COL7A1: variants seen among roughly 807,000 people sequenced by gnomAD.
The protein encoded by COL7A1 is collagen type VII alpha 1 chain.
A neutral mutation model predicts 456.2 loss-of-function variants in COL7A1; 296 were observed. That is an observed-to-expected ratio of 0.65 (90% CI 0.59 to 0.71). The LOEUF is 0.71. Among genes scored for constraint, COL7A1 ranks in the 30% least tolerant of loss-of-function variants. The probability of loss-of-function intolerance (pLI) is 0.00; values close to 1 mark genes in which losing one functional copy is unlikely to be tolerated. For missense variants in COL7A1, 3,441 were observed against 4,017.2 expected (o/e 0.86, Z 3.88); for synonymous variants, 1,464 against 1,525.9 (o/e 0.96, Z 0.95).
Position 48,574,803 on chromosome 3 carries a change from A to G in COL7A1, c.6342T>C (p.Gly2114=). The G allele has an allele frequency of 6.2e-7, 1 of 1,613,778 alleles. No individual in the cohort carries two copies. The highest frequency in any genetic ancestry group is 1.1e-5 in the South Asian group (1 of 91,064). ...SGEQGPPGLK[G]AKGEPGSNGD... is the part of the protein sequence containing the mutation. ...GCTGATTCCACACACTGACCTTAGC[A>G]CCCTTGAGTCCAGGGGGTCCCTGTT... Residue 2114 remains glycine (G), a synonymous_variant, in exon 77 of 119, where the codon GGT becomes GGC. Transcript: ENST00000681320. This position sits in a 1 kb window ranked among gnomAD's most constrained non-coding sequence, Gnocchi z 5.0.
At position 48,584,476 on chromosome 3, in the gene COL7A1, T is replaced by G. The variant is rs766782830; in HGVS notation, c.4119+9A>C. The G allele has an allele frequency of 1.9e-6, 3 of 1,613,878 alleles. No individual in the cohort carries two copies. Among genetic ancestry groups the G allele is most frequent in the Non-Finnish European group, 2.5e-6 (3 of 1,179,958 alleles). On this transcript the variant is annotated intron_variant, in intron 36 of 118. Transcript: ENST00000681320. ...ACACATCACTTGCCTCCACATACCC[T>G]GCACTTACCGATGGTCCAGGGTCCC... is the stretch of plus-strand genomic sequence containing the variant.
rs759325342 is a variant in COL7A1, at chr3:48,574,863, C to T, written c.6282G>A (p.Val2094=). The T allele has an allele frequency of 2.5e-6, 4 of 1,613,894 alleles. No homozygotes were observed. Among genetic ancestry groups the T allele is most frequent in the East Asian group, 2.2e-5 (1 of 44,876 alleles). The change falls in exon 77 of 119, where the codon GTG becomes GTA. Residue 2094 remains valine, a splice_region_variant and synonymous_variant. Transcript: ENST00000681320. This position sits in a 1 kb window ranked among gnomAD's most constrained non-coding sequence, Gnocchi z 5.0. The stretch of plus-strand genomic sequence containing the variant: ...GTCCAGGACCTGGCTCATCCACAGA[C>T]ACCTACAAACACAAGGTCACAGGGG... The part of the protein sequence containing the change: ...PGPPGPPGPK[V]SVDEPGPGLS...
Position 48,588,091 on chromosome 3 carries a change from C to T in COL7A1, c.2711-152G>A, listed in dbSNP as rs994334611. 1 of 1,303,616 alleles carries T rather than the reference C, an allele frequency of 7.7e-7. No individual in the cohort carries two copies. The allele number at this position is 1,303,616 out of a possible 1,614,324, so 80.8% of individuals were successfully genotyped here. A position where few individuals can be genotyped will look rare whatever the true frequency, so the allele number is the denominator to read the frequency against. Reference sequence around the variant, plus strand: ...TCACTGACCCTGCCCACTTTACGGACCCTGCCAGACTGACCCTCCATGAAC... The same window carrying T: ...TCACTGACCCTGCCCACTTTACGGATCCTGCCAGACTGACCCTCCATGAAC... On this transcript the variant is annotated intron_variant, in intron 21 of 118. Coordinates refer to ENST00000681320, the MANE Select transcript of COL7A1 (RefSeq NM_000094.4). This position sits in a 1 kb window ranked among gnomAD's most constrained non-coding sequence, Gnocchi z 4.6.
At position 48,572,539 on chromosome 3, in the gene COL7A1, CTG is replaced by C; in HGVS notation, c.6901-3_6901-2del. ...TTGCTCCAGGGAGCCCGACCACAGC[CTG>C]TGGGGAATGCTAGTGAGTTTCCTCC... On this transcript the variant is annotated splice_acceptor_variant and splice_polypyrimidine_tract_variant and intron_variant, in intron 88 of 118. Coordinates refer to ENST00000681320, the MANE Select transcript of COL7A1 (RefSeq NM_000094.4). LOFTEE classifies it high-confidence loss of function. This position sits in a 1 kb window ranked among gnomAD's most constrained non-coding sequence, Gnocchi z 4.6. 1 of 1,613,766 alleles carries C rather than the reference CTG, an allele frequency of 6.2e-7. No individual in the cohort carries two copies. The highest frequency in any genetic ancestry group is 8.5e-7 in the Non-Finnish European group (1 of 1,179,790).
In COL7A1 at chr3:48,565,383, C is replaced by T. The variant is rs754379615; in HGVS notation, c.8527+27G>A. The T allele has an allele frequency of 3.1e-6, 5 of 1,587,660 alleles. No individual in the cohort carries two copies. The highest frequency in any genetic ancestry group is 3.6e-5 in the Admixed American group (2 of 55,212). ...GTGCGTGTCTCGGCCCCACCCATAG[C>T]TGCCCCACGGGTTCAGCTGTCCTCA... On this transcript the variant is annotated intron_variant, in intron 116 of 118. Coordinates refer to ENST00000681320, the MANE Select transcript of COL7A1 (RefSeq NM_000094.4). The surrounding 1 kb of genome is among the most constrained non-coding windows in gnomAD (Gnocchi z 4.5).
At position 48,571,300 on chromosome 3, in the gene COL7A1, C is replaced by G; in HGVS notation, c.7069-22G>C. 1 of 1,614,064 alleles carries G rather than the reference C, an allele frequency of 6.2e-7. No homozygotes were observed. The highest frequency in any genetic ancestry group is 8.5e-7 in the Non-Finnish European group (1 of 1,179,988). On this transcript the variant is annotated intron_variant, in intron 92 of 118. Coordinates refer to ENST00000681320, the MANE Select transcript of COL7A1 (RefSeq NM_000094.4). The surrounding 1 kb of genome is among the most constrained non-coding windows in gnomAD (Gnocchi z 4.6). Reference sequence around the variant, plus strand: ...GACCCTAAGAAAACCCAGCAAACAGCATTTGAGAGGGTAGGAACATGAGCA... The same window carrying G: ...GACCCTAAGAAAACCCAGCAAACAGGATTTGAGAGGGTAGGAACATGAGCA...
chr3:48,581,018 G>A lies in COL7A1; in HGVS notation c.4936-92C>T, dbSNP rs2044715905. 6.3e-6 allele frequency: 10 copies of A among 1,599,392 alleles called. No individual in the cohort carries two copies. The highest frequency in any genetic ancestry group is 1.3e-5 in the African/African-American group (1 of 74,538). ...ACAGAGAAGGGTCTGAGCAGCAGCT[G>A]GACAGGAGGCAGGGAGTGGATGGAT... is the stretch of plus-strand genomic sequence containing the variant. On this transcript the variant is annotated intron_variant, in intron 53 of 118. Transcript: ENST00000681320. This position sits in a 1 kb window ranked among gnomAD's most constrained non-coding sequence, Gnocchi z 5.8.
Position 48,568,919 on chromosome 3 carries a change from A to G in COL7A1, c.7687-64T>C. The G allele has an allele frequency of 2.7e-6, 4 of 1,479,196 alleles. No individual in the cohort carries two copies. Among genetic ancestry groups the G allele is most frequent in the South Asian group, 1.2e-5 (1 of 82,820 alleles). 91.6% of individuals were successfully genotyped at this position (1,479,196 alleles called of 1,614,324 possible). A position where few individuals can be genotyped will look rare whatever the true frequency, so the allele number is the denominator to read the frequency against. ...GATCAGGCTGGGGGCTTAGAATACAACGAGCCCGCCAGCTGGGGCAGAGCT... is the reference window on the plus strand; with the variant it reads ...GATCAGGCTGGGGGCTTAGAATACAGCGAGCCCGCCAGCTGGGGCAGAGCT... On this transcript the variant is annotated intron_variant, in intron 103 of 118. Transcript: ENST00000681320. This position sits in a 1 kb window ranked among gnomAD's most constrained non-coding sequence, Gnocchi z 5.2.
At position 48,591,829 on chromosome 3, in the gene COL7A1, G is replaced by C; in HGVS notation, c.1358-7C>G. On this transcript the variant is annotated splice_polypyrimidine_tract_variant and splice_region_variant and intron_variant, in intron 11 of 118. Coordinates refer to ENST00000681320, the MANE Select transcript of COL7A1 (RefSeq NM_000094.4). The surrounding 1 kb of genome is among the most constrained non-coding windows in gnomAD (Gnocchi z 7.0). ...TTCTGCGGTGGCTCCAAGCCTGCAA[G>C]ATAACAGGGTCAGACCAGCAGAGGC... is the stretch of plus-strand genomic sequence containing the variant. 6.2e-7 allele frequency: 1 copy of C among 1,614,180 alleles called. No homozygotes were observed. Among genetic ancestry groups the C allele is most frequent in the Non-Finnish European group, 8.5e-7 (1 of 1,180,024 alleles).
chr3:48,570,699 G>C lies in COL7A1; in HGVS notation c.7284C>G (p.Gly2428=), dbSNP rs768709709. Residue 2428 remains glycine (G), a synonymous_variant, in exon 96 of 119, where the codon GGC becomes GGG. Coordinates refer to ENST00000681320, the MANE Select transcript of COL7A1 (RefSeq NM_000094.4). This position sits in a 1 kb window ranked among gnomAD's most constrained non-coding sequence, Gnocchi z 5.5. ...CTGGGATTCCTTCTCTCCCTGGGGG[G>C]CCTGCCAGACCCTACCAGAAAAATG... is the stretch of plus-strand genomic sequence containing the variant. ...PGPSGERGLA[G]PPGREGIPGP... is the part of the protein sequence containing the mutation. 1 of 1,578,716 alleles carries C rather than the reference G, an allele frequency of 6.3e-7. No individual in the cohort carries two copies. The highest frequency in any genetic ancestry group is 8.6e-7 in the Non-Finnish European group (1 of 1,161,430).
chr3:48,581,818 G>C lies in COL7A1; in HGVS notation c.4669-59C>G. 1 of 1,613,344 alleles carries C rather than the reference G, an allele frequency of 6.2e-7. No homozygotes were observed. Among genetic ancestry groups the C allele is most frequent in the Non-Finnish European group, 8.5e-7 (1 of 1,179,360 alleles). On this transcript the variant is annotated intron_variant, in intron 48 of 118. Coordinates refer to ENST00000681320, the MANE Select transcript of COL7A1 (RefSeq NM_000094.4). The surrounding 1 kb of genome is among the most constrained non-coding windows in gnomAD (Gnocchi z 5.8). ...AGGCTCCAGTTAACCCCCTGACCCA[G>C]CAAGTCCTGTGACCCCCCAAGTCCC... is the stretch of plus-strand genomic sequence containing the variant.
At position 48,580,454 on chromosome 3, in the gene COL7A1, G is replaced by A. The variant is rs2044664651; in HGVS notation, c.5053-110C>T. ...GTTGGTAGCCTTCAGATGCGTGTGT[G>A]CAGGGGTCAAAGGAAGTGAAGATTG... On this transcript the variant is annotated intron_variant, in intron 55 of 118. Coordinates refer to ENST00000681320, the MANE Select transcript of COL7A1 (RefSeq NM_000094.4). The surrounding 1 kb of genome is among the most constrained non-coding windows in gnomAD (Gnocchi z 4.5). 1.3e-5 allele frequency: 19 copies of A among 1,473,688 alleles called. No individual in the cohort carries two copies. The highest frequency in any genetic ancestry group is 1.8e-5 in the Non-Finnish European group (19 of 1,067,446). The allele number at this position is 1,473,688 out of a possible 1,614,324, so 91.3% of individuals were successfully genotyped here. A position where few individuals can be genotyped will look rare whatever the true frequency, so the allele number is the denominator to read the frequency against.
chr3:48,593,666 A>C lies in COL7A1; in HGVS notation c.297T>G (p.Ser99=). ...GGATGGCGCGGATCACATCACCCCC[A>C]GAGCCAAGTGCATCCAGGCCGAACT... ...RTEFGLDALG[S]GGDVIRAIRE... The change falls in exon 4 of 119, where the codon TCT becomes TCG. Residue 99 remains serine, a synonymous_variant. Transcript: ENST00000681320. The surrounding 1 kb of genome is among the most constrained non-coding windows in gnomAD (Gnocchi z 4.4). The C allele has an allele frequency of 1.2e-6, 2 of 1,614,194 alleles. No homozygotes were observed. The highest frequency in any genetic ancestry group is 1.7e-6 in the Non-Finnish European group (2 of 1,180,028).
chr3:48,568,982 C>T lies in COL7A1; in HGVS notation c.7687-127G>A. The T allele has an allele frequency of 1.1e-6, 1 of 884,278 alleles. No individual in the cohort carries two copies. Among genetic ancestry groups the T allele is most frequent in the Non-Finnish European group, 1.8e-6 (1 of 552,454 alleles). The allele number at this position is 884,278 out of a possible 1,614,324, so 54.8% of individuals were successfully genotyped here. On this transcript the variant is annotated intron_variant, in intron 103 of 118. Transcript: ENST00000681320. This position sits in a 1 kb window ranked among gnomAD's most constrained non-coding sequence, Gnocchi z 5.2. Reference sequence around the variant, plus strand: ...GAACGGCCCTAGCAGCACGTCCTCCCAGCCTGTGCCATAGCGGGTGGAACT... The same window carrying T: ...GAACGGCCCTAGCAGCACGTCCTCCTAGCCTGTGCCATAGCGGGTGGAACT...
chr3:48,575,048 G>C lies in COL7A1; in HGVS notation c.6279+16C>G. 1 of 1,610,870 alleles carries C rather than the reference G, an allele frequency of 6.2e-7. No homozygotes were observed. The highest frequency in any genetic ancestry group is 2.2e-5 in the East Asian group (1 of 44,842). ...GGTCACTAGTCACAGGACTAAGGCA[G>C]GGATGGGGTGATCACCTTGGGGCCA... On this transcript the variant is annotated intron_variant, in intron 76 of 118. Transcript: ENST00000681320. The surrounding 1 kb of genome is among the most constrained non-coding windows in gnomAD (Gnocchi z 6.3).
Position 48,566,916 on chromosome 3 carries a change from C to G in COL7A1, c.8217G>C (p.Gln2739His). ...AGCTGGGGCCCCTTACCTTCTGGCC[C>G]TGAAGTCCTTCGGGGCCTCTGGGAC... ...SVGPRGPEGL[Q>H]GQKGERGPPG... The change falls in exon 111 of 119, where the codon CAG (glutamine) becomes CAC (histidine). Residue 2739 changes from glutamine (Q) to histidine (H), a missense_variant. By Grantham distance (24) the Gln-to-His change is conservative. Around this residue, in one of 3 missense-constraint regions of COL7A1, gnomAD observed 2,084 missense variants for 2,501.3 expected, o/e 0.83. Transcript: ENST00000681320. The surrounding 1 kb of genome is among the most constrained non-coding windows in gnomAD (Gnocchi z 5.9). 6.2e-7 allele frequency: 1 copy of G among 1,604,478 alleles called. No individual in the cohort carries two copies.
Position 48,565,241 on chromosome 3 carries a change from G to A in COL7A1, c.8528-40C>T. 6.3e-7 allele frequency: 1 copy of A among 1,584,472 alleles called. No individual in the cohort carries two copies. Among genetic ancestry groups the A allele is most frequent in the Non-Finnish European group, 8.6e-7 (1 of 1,157,644 alleles). Reference sequence around the variant, plus strand: ...GGGTGTGCTGGGAGCAGTGGCTGCTGGCCCCGGGGCAAGGTGGGCAGCACT... The same window carrying A: ...GGGTGTGCTGGGAGCAGTGGCTGCTAGCCCCGGGGCAAGGTGGGCAGCACT... On this transcript the variant is annotated intron_variant, in intron 116 of 118. Coordinates refer to ENST00000681320, the MANE Select transcript of COL7A1 (RefSeq NM_000094.4). This position sits in a 1 kb window ranked among gnomAD's most constrained non-coding sequence, Gnocchi z 4.5.
Position 48,587,251 on chromosome 3 carries a change from G to A in COL7A1, c.3078C>T (p.Phe1026=), listed in dbSNP as rs1239030771. The part of the protein sequence containing the change: ...TGLEPGVSYI[F]SLTPVLDGVR... ...CACCATCCAGGACAGGCGTCAGGGA[G>A]AAGATGTAAGAGACGCCAGGCTCTA... Residue 1026 remains phenylalanine, a synonymous_variant, in exon 24 of 119, where the codon TTC becomes TTT. Transcript: ENST00000681320. The surrounding 1 kb of genome is among the most constrained non-coding windows in gnomAD (Gnocchi z 6.1). 4 of 1,613,106 alleles carry A rather than the reference G, an allele frequency of 2.5e-6. No homozygotes were observed. Among genetic ancestry groups the A allele is most frequent in the Middle Eastern group, 1.6e-4 (1 of 6,062 alleles).
In COL7A1 at chr3:48,578,635, G is replaced by A; in HGVS notation, c.5425-120C>T. The A allele has an allele frequency of 8.4e-7, 1 of 1,194,168 alleles. No homozygotes were observed. The highest frequency in any genetic ancestry group is 1.2e-6 in the Non-Finnish European group (1 of 826,694). The allele number at this position is 1,194,168 out of a possible 1,614,324, so 74.0% of individuals were successfully genotyped here. Reference sequence around the variant, plus strand: ...AGGGTAGAGACCCCCAGGACTGAGAGGTCCCATTGAGATCCCTCAGGCACA... The same window carrying A: ...AGGGTAGAGACCCCCAGGACTGAGAAGTCCCATTGAGATCCCTCAGGCACA... On this transcript the variant is annotated intron_variant, in intron 63 of 118. Transcript: ENST00000681320. This position sits in a 1 kb window ranked among gnomAD's most constrained non-coding sequence, Gnocchi z 4.7.
Sources: allele counts gnomAD v4.1 joint callset, GRCh38; gene constraint gnomAD v4.1.1; regional missense constraint gnomAD v4.1.1; non-coding constraint Gnocchi (gnomAD v3.1); transcripts MANE v1.5; gene names NCBI Gene and HGNC (gene_info 2026-07-23, HGNC 2026-07-21).